Variants in WWOX observed in about 807,000 individuals in gnomAD.
The protein encoded by WWOX is WW domain-containing oxidoreductase.
Under a neutral mutation model 46.2 loss-of-function variants are expected in WWOX, and 69 were observed. That is an observed-to-expected ratio of 1.49 (90% CI 1.23 to 1.82). WWOX has a LOEUF of 1.82. Among genes scored for constraint, WWOX ranks in the 40% most tolerant of loss-of-function variants. The pLI is 0.00. For synonymous variants in WWOX, 359 were observed against 202.6 expected (o/e 1.77, Z -6.56); for missense variants, 919 against 542.6 (o/e 1.69, Z -6.89).
chr16:78,246,733 C>T (rs113365710), intron 5 of WWOX, among the ~76,000 whole-genome samples: 19 of 152,288 alleles, frequency 1.2e-4, no homozygotes, highest in African/African-American at 4.3e-4. Context: ...TTCCCCCCGA[C>T]CATCAGTCAT....
chr16:78,250,642 G>A (rs1480081165), intron 5 of WWOX, among the ~76,000 whole-genome samples: 6 of 152,252 alleles, frequency 3.9e-5, no homozygotes, highest in Admixed American at 2.6e-4. Flanking sequence ...TAGACATGGG[G>A]TTTTATTAGG....
chr16:78,402,147 C>T (rs894868364), intron 6 of WWOX, among the ~76,000 whole-genome samples: 4 of 152,238 alleles, frequency 2.6e-5, no homozygotes, highest in Admixed American at 2.0e-4. Context: ...ATCGCTACTT[C>T]CTCCAGTCCC....
chr16:78,756,751 T>C (rs2049658865), intron 8 of WWOX, among the ~76,000 whole-genome samples: 1 of 152,140 alleles, frequency 6.6e-6, no homozygotes, highest in South Asian at 2.1e-4. Context: ...CAAACCTAAG[T>C]TGGGGAATGT....
chr16:78,964,417 G>A (rs1228804188), intron 8 of WWOX, among the ~76,000 whole-genome samples: 1 of 152,216 alleles, frequency 6.6e-6, no homozygotes, highest in East Asian at 1.9e-4. Flanking sequence ...GAGACTGGCA[G>A]CATTTTGCCC....
chr16:78,832,687 T>G (rs1201021244), intron 8 of WWOX, among the ~76,000 whole-genome samples: 1 of 152,106 alleles, frequency 6.6e-6, no homozygotes, highest in Non-Finnish European at 1.5e-5. Flanking sequence ...GGTGGCCCTC[T>G]CAGGAGGGAT....
chr16:78,952,241 A>G (rs903028951), intron 8 of WWOX, among the ~76,000 whole-genome samples: 3 of 151,930 alleles, frequency 2.0e-5, no homozygotes, highest in African/African-American at 7.3e-5. Flanking sequence ...CAGTCTTTAT[A>G]TTTCAACTCA....
chr16:78,712,653 C>G (rs1174353794), intron 8 of WWOX, among the ~76,000 whole-genome samples: 1 of 151,970 alleles, frequency 6.6e-6, no homozygotes, highest in African/African-American at 2.4e-5. Context: ...TATGGAGTAG[C>G]TAATAGATAG....
At chr16:78,714,017 G>C (rs116367522) in intron 8 of WWOX, among the ~76,000 whole-genome samples, 1 of 152,084 alleles carries the variant, frequency 6.6e-6, no homozygotes, top group African/African-American at 2.4e-5. Flanking sequence ...CACTGCATTT[G>C]GGGGGAAGGT....
At chr16:78,956,003 CAAA>C (rs749824757) in intron 8 of WWOX, among the ~76,000 whole-genome samples, 40 of 151,188 alleles carry the variant, frequency 2.6e-4, no homozygotes, top group South Asian at 1.3e-3. Context: ...AAAAAAAACA[CAAA>C]AAAAACTTTT....
At chr16:78,432,457 G>T in intron 7 of WWOX, 31 bp from the exon 8 acceptor site, 1 of 1,610,550 alleles carries the variant, frequency 6.2e-7, no homozygotes. Context: ...TCAGAACTTG[G>T]TTGCTTCATG....
rs576959656 is a variant in WWOX, at chr16:78,570,993, T to C, written c.1056+138241T>C. On this transcript the variant is annotated intron_variant, in intron 8 of 8. Transcript: ENST00000566780. ...TGGCAAGGCAAAGATTATTCATTGC[T>C]GAAGAGACTATGTTGCCCAGATGAC... Among the ~76,000 whole-genome samples, 20 of 152,326 alleles carry C rather than the reference T, an allele frequency of 1.3e-4. No homozygotes were observed. In the South Asian group the frequency reaches 4.1e-3, roughly 32 times the overall value.
intron 8 of WWOX, among the ~76,000 whole-genome samples, chr16:78,594,747 A>G (rs11862028): frequency 0.16 from 23,593 of 151,768 alleles, 3,209 homozygotes; most frequent in African/African-American, 0.38. Context: ...CCAACTTGAC[A>G]CTTATTTAAG....
At chr16:79,067,107 G>C (rs1388001822) in intron 8 of WWOX, among the ~76,000 whole-genome samples, 1 of 152,208 alleles carries the variant, frequency 6.6e-6, no homozygotes, top group Non-Finnish European at 1.5e-5. Flanking sequence ...AGCATAGCTG[G>C]ATGCAATCCT....
intron 8 of WWOX, among the ~76,000 whole-genome samples, chr16:79,017,725 C>G (rs2047446405): frequency 1.3e-5 from 2 of 151,160 alleles, no homozygotes; most frequent in South Asian, 4.2e-4. Flanking sequence ...TTCATAAAAC[C>G]AGTCTAAAAA....
At chr16:78,109,186 G>T (rs2032338576) in intron 2 of WWOX, among the ~76,000 whole-genome samples, 1 of 152,224 alleles carries the variant, frequency 6.6e-6, no homozygotes, top group South Asian at 2.1e-4. Flanking sequence ...ATGATCCACG[G>T]AATAGAAGTA....
intron 8 of WWOX, among the ~76,000 whole-genome samples, chr16:79,023,960 C>CAAAT (rs1042404187): frequency 6.6e-6 from 1 of 151,244 alleles, no homozygotes; most frequent in African/African-American, 2.4e-5. Context: ...TCTCAAAAAA[C>CAAAT]AAACAAAAAA....
intron 8 of WWOX, among the ~76,000 whole-genome samples, chr16:78,513,024 G>T (rs1325573250): frequency 2.0e-5 from 3 of 152,156 alleles, no homozygotes; most frequent in Non-Finnish European, 4.4e-5. Flanking sequence ...CTTTCATTAG[G>T]ACAATTTTTA....
chr16:78,511,413 A>G (rs1452096428), intron 8 of WWOX, among the ~76,000 whole-genome samples: 4 of 152,224 alleles, frequency 2.6e-5, no homozygotes, highest in East Asian at 3.9e-4. Flanking sequence ...CAAAAAGGGA[A>G]CAAGATGACA....
chr16:78,349,999 C>A (rs544197240), intron 5 of WWOX, among the ~76,000 whole-genome samples: 1 of 121,148 alleles, frequency 8.3e-6, no homozygotes, highest in East Asian at 1.9e-4. Context: ...CACTCTTAAG[C>A]CAAATAACAT....
Sources: gnomAD v4.1 joint callset for allele counts (sites outside exome capture counted in the v4.1 genomes callset) on GRCh38, gnomAD v4.1.1 for gene constraint, MANE v1.5 for transcripts, NCBI Gene and HGNC (gene_info 2026-07-23, HGNC 2026-07-21) for gene names.